Variants in PPFIBP1 observed in about 807,000 individuals in gnomAD.
PPFIBP1 encodes liprin-beta-1.
In PPFIBP1, 112 loss-of-function variants were observed where a neutral mutation model predicts 137.8. The observed-to-expected ratio is 0.81, with a 90% CI of 0.70 to 0.95. The LOEUF is 0.95. PPFIBP1 is among the 40% of genes least tolerant of loss of function. The pLI is 0.00. For missense variants in PPFIBP1, 1,083 were observed against 1,196.6 expected (o/e 0.91, Z 1.40); for synonymous variants, 378 against 417.3 (o/e 0.91, Z 1.15).
chr12:27,601,171 A>G (rs927437149), intron 2 of PPFIBP1, among the ~76,000 whole-genome samples: 1 of 152,206 alleles, frequency 6.6e-6, no homozygotes, highest in African/African-American at 2.4e-5. Context: ...AGTAAAAACA[A>G]TTAAGGGGAA....
At position 27,667,156 on chromosome 12, in the gene PPFIBP1, C is replaced by G; in HGVS notation, c.992-10C>G. 6.5e-7 allele frequency: 1 copy of G among 1,545,632 alleles called. No homozygotes were observed. Among genetic ancestry groups the G allele is most frequent in the Non-Finnish European group, 8.7e-7 (1 of 1,146,316 alleles). On this transcript the variant is annotated splice_polypyrimidine_tract_variant and intron_variant, in intron 12 of 29. Coordinates refer to ENST00000228425, the MANE Select transcript of PPFIBP1 (RefSeq NM_003622.4). ...TGCTGTTGTCTTCTCTTTGTTTTAT[C>G]TTTTCCTAGGCAAAGATGGAGAATA... is the stretch of plus-strand genomic sequence containing the variant.
chr12:27,595,122 C>T (rs985258790), intron 2 of PPFIBP1, among the ~76,000 whole-genome samples: 1 of 152,226 alleles, frequency 6.6e-6, no homozygotes, highest in Non-Finnish European at 1.5e-5. Context: ...AAATTACTTT[C>T]CAGGAAGGTT....
At position 27,564,837 on chromosome 12, in the gene PPFIBP1, G is replaced by A. The variant is rs559750281; in HGVS notation, c.-123-13315G>A. On this transcript the variant is annotated intron_variant, in intron 1 of 29. Coordinates refer to ENST00000228425, the MANE Select transcript of PPFIBP1 (RefSeq NM_003622.4). ...AGGCCGCCAGCCCCTTTGACTCCCC[G>A]TCAAGGCCAGGTGCTGGCCAGTCAC... Among the ~76,000 whole-genome samples, 6 of 152,134 alleles carry A rather than the reference G, an allele frequency of 3.9e-5. No individual in the cohort carries two copies. In the East Asian group the frequency reaches 5.8e-4, roughly 15 times the overall value.
chr12:27,636,801 T>G (rs918343698), intron 4 of PPFIBP1: 2 of 152,230 alleles, frequency 1.3e-5, no homozygotes, highest in Admixed American at 1.3e-4. Flanking sequence ...CCCCCATGAC[T>G]TTCTGACTTC....
At position 27,593,910 on chromosome 12, in the gene PPFIBP1, C is replaced by T. The variant is rs536207110; in HGVS notation, c.-36+15671C>T. On this transcript the variant is annotated intron_variant, in intron 2 of 29. Transcript: ENST00000228425. ...TGGATGGAAGGACCCTTGGAAGGTG[C>T]GTCTTCCCAGGAGGTTGTGTCCTCA... The T allele has an allele frequency of 1.4e-3, 2,072 of 1,493,850 alleles. 6 individuals are homozygous for T. The highest frequency in any genetic ancestry group is 1.7e-3 in the Non-Finnish European group (1,948 of 1,125,618). The allele number at this position is 1,493,850 out of a possible 1,614,324, so 92.5% of individuals were successfully genotyped here.
chr12:27,546,825 G>A (rs1403017430), intron 1 of PPFIBP1, among the ~76,000 whole-genome samples: 1 of 152,020 alleles, frequency 6.6e-6, no homozygotes, highest in African/African-American at 2.4e-5. Context: ...ACCAGCCTGG[G>A]CAACATGGTG....
chr12:27,653,160 T>C (rs1224240945), intron 7 of PPFIBP1, among the ~76,000 whole-genome samples: 1 of 152,232 alleles, frequency 6.6e-6, no homozygotes, highest in East Asian at 1.9e-4. Context: ...ACTTGGAAGC[T>C]TAAAATAATT....
At chr12:27,606,163 C>T (rs1441478917) in intron 2 of PPFIBP1, among the ~76,000 whole-genome samples, 2 of 152,136 alleles carry the variant, frequency 1.3e-5, no homozygotes, top group Non-Finnish European at 2.9e-5. Flanking sequence ...AAAGACAGTG[C>T]TATTTTAAGA....
chr12:27,692,661 G>T lies in PPFIBP1; in HGVS notation c.2931+5G>T. The T allele has an allele frequency of 6.2e-7, 1 of 1,614,126 alleles. No homozygotes were observed. Among genetic ancestry groups the T allele is most frequent in the Non-Finnish European group, 8.5e-7 (1 of 1,179,962 alleles). On this transcript the variant is annotated splice_donor_5th_base_variant and intron_variant, in intron 29 of 29. Coordinates refer to ENST00000228425, the MANE Select transcript of PPFIBP1 (RefSeq NM_003622.4). ...GAAGGCATCAACAATCTGACGGTGA[G>T]TTTGTGAAATGAATTGAAAATGTTA...
intron 4 of PPFIBP1, among the ~76,000 whole-genome samples, chr12:27,645,416 C>T (rs35492598): frequency 0.04 from 6,072 of 150,258 alleles, 197 homozygotes; most frequent in East Asian, 0.12. Flanking sequence ...ATTTATACCA[C>T]GCATAAATAT....
chr12:27,673,948 A>G (rs2060351701), intron 16 of PPFIBP1, 121 bp downstream of exon 16: 1 of 904,710 alleles, frequency 1.1e-6, no homozygotes, highest in African/African-American at 1.7e-5. Context: ...TTTTTAGTGG[A>G]AAATTATTAG....
At chr12:27,648,483 C>T (rs2058681435) in intron 6 of PPFIBP1, among the ~76,000 whole-genome samples, 1 of 152,156 alleles carries the variant, frequency 6.6e-6, no homozygotes, top group South Asian at 2.1e-4. Flanking sequence ...TATGATCCAG[C>T]AATGCCACTG....
At chr12:27,601,526 A>G (rs1289716233) in intron 2 of PPFIBP1, among the ~76,000 whole-genome samples, 6 of 152,302 alleles carry the variant, frequency 3.9e-5, no homozygotes, top group South Asian at 4.1e-4. Context: ...ACTCTGCTTG[A>G]TGCTTTCCCA....
chr12:27,587,065 CT>C (rs1263458332), intron 2 of PPFIBP1, among the ~76,000 whole-genome samples: 3 of 152,158 alleles, frequency 2.0e-5, no homozygotes, highest in African/African-American at 7.2e-5. Flanking sequence ...CTTACGTGTT[CT>C]GTAAAAATAC....
Position 27,639,720 on chromosome 12 carries a change from T to C in PPFIBP1, c.270+4605T>C, listed in dbSNP as rs140235105. On this transcript the variant is annotated intron_variant, in intron 4 of 29. Transcript: ENST00000228425. ...TGGCTTCTGACCTGTTAAATCATCA[T>C]AATACCCTTCTCTCTTATTTTTACA... Among the ~76,000 whole-genome samples the C allele has an allele frequency of 1.5e-3, 232 of 152,382 alleles. 2 individuals carry two copies. The highest frequency in any genetic ancestry group is 5.3e-3 in the African/African-American group (221 of 41,588).
intron 1 of PPFIBP1, among the ~76,000 whole-genome samples, chr12:27,528,221 T>C (rs771899640): frequency 5.9e-5 from 9 of 152,078 alleles, no homozygotes; most frequent in Non-Finnish European, 1.0e-4. Context: ...AGTGCTGGGA[T>C]TATAGGAGTG....
intron 2 of PPFIBP1, among the ~76,000 whole-genome samples, chr12:27,600,572 A>T (rs1246221265): frequency 2.0e-5 from 3 of 151,980 alleles, no homozygotes; most frequent in Non-Finnish European, 2.9e-5. Context: ...AAAAAAAAAC[A>T]TAGATAAAAC....
intron 27 of PPFIBP1, among the ~76,000 whole-genome samples, chr12:27,689,643 T>C (rs2061407357): frequency 6.6e-6 from 1 of 152,182 alleles, no homozygotes. Flanking sequence ...GTTAAGTCTC[T>C]GCCTTTTTTA....
At chr12:27,575,448 C>G (rs2050477995) in intron 1 of PPFIBP1, among the ~76,000 whole-genome samples, 1 of 152,128 alleles carries the variant, frequency 6.6e-6, no homozygotes, top group Non-Finnish European at 1.5e-5. Context: ...GATGGTCATA[C>G]TTTAGGATAG....
Sources: allele counts gnomAD v4.1 joint callset (sites outside exome capture counted in the v4.1 genomes callset), GRCh38; gene constraint gnomAD v4.1.1; transcripts MANE v1.5; gene names NCBI Gene and HGNC (gene_info 2026-07-23, HGNC 2026-07-21).